NGLY1: variants seen among roughly 807,000 people sequenced by gnomAD.
NGLY1 encodes N-glycanase 1, also known as peptide-N(4)-(N-acetyl-beta-glucosaminyl)asparagine amidase.
In NGLY1, 68 loss-of-function variants were observed where a neutral mutation model predicts 84.6. The observed-to-expected ratio is 0.80, with a 90% CI of 0.66 to 0.98. NGLY1 has a LOEUF of 0.98. NGLY1 is among the 50% of genes least tolerant of loss of function. NGLY1 has a pLI of 0.00. For missense variants in NGLY1, 779 were observed against 770.2 expected, an observed-to-expected ratio of 1.01 and a Z score of -0.14; for synonymous variants, 280 against 275.2, an observed-to-expected ratio of 1.02 and a Z score of -0.17.
At chr3:25,765,328 C>T (rs550991260) in intron 2 of NGLY1, among the ~76,000 whole-genome samples, 7 of 151,886 alleles carry the variant, frequency 4.6e-5, no homozygotes, top group South Asian at 2.1e-4. Context: ...GGCATGGTGG[C>T]GGGTGCCTGT....
chr3:25,720,083 G>C lies in NGLY1; in HGVS notation c.1720C>G (p.Gln574Glu). Residue 574 changes from glutamine (Q) to glutamate (E), a missense_variant, in exon 11 of 12, where the codon CAA becomes GAA. Coordinates refer to ENST00000280700, the MANE Select transcript of NGLY1 (RefSeq NM_018297.4). The part of the protein sequence containing the change: ...VDSISIRTSS[Q>E]TFQTGTVEWK... ...TCTACTGTTCCAGTCTGAAAAGTTT[G>C]ACTACTTGTTCTAATAGAAATGCTA... The C allele has an allele frequency of 1.9e-6, 3 of 1,613,736 alleles. No individual in the cohort carries two copies. Among genetic ancestry groups the C allele is most frequent in the Non-Finnish European group, 2.5e-6 (3 of 1,179,800 alleles).
intron 10 of NGLY1, among the ~76,000 whole-genome samples, chr3:25,722,890 A>T (rs1010020907): frequency 6.6e-6 from 1 of 152,198 alleles, no homozygotes; most frequent in African/African-American, 2.4e-5. Flanking sequence ...TGGCTAGCAA[A>T]GGGGGATATC....
chr3:25,762,303 C>T (rs1037547573), intron 3 of NGLY1, among the ~76,000 whole-genome samples: 2 of 152,118 alleles, frequency 1.3e-5, no homozygotes, highest in African/African-American at 4.8e-5. Context: ...AGAAAACTGT[C>T]AAATTCTGTA....
chr3:25,749,904 A>G, intron 4 of NGLY1: 1 of 763,318 alleles, frequency 1.3e-6, no homozygotes, highest in South Asian at 1.5e-5. Context: ...TAGACAGCTC[A>G]TGTGCATGTT....
chr3:25,720,067 CCAGT>C lies in NGLY1; in HGVS notation c.1732_1735del (p.Thr578GlufsTer3). ...AGATCGCAATTTCCATTCTACTGTT[CCAGT>C]CTGAAAAGTTTGACTACTTGTTCTA... On this transcript the variant is annotated frameshift_variant, in exon 11 of 12. Coordinates refer to ENST00000280700, the MANE Select transcript of NGLY1 (RefSeq NM_018297.4). LOFTEE classifies it high-confidence loss of function. 1 of 1,613,800 alleles carries C rather than the reference CCAGT, an allele frequency of 6.2e-7. No homozygotes were observed. The highest frequency in any genetic ancestry group is 8.5e-7 in the Non-Finnish European group (1 of 1,179,820).
intron 3 of NGLY1, among the ~76,000 whole-genome samples, chr3:25,756,240 C>T (rs186325003): frequency 6.6e-6 from 1 of 152,240 alleles, no homozygotes; most frequent in African/African-American, 2.4e-5. Context: ...CTGCACCTAC[C>T]CCATAGGTTT....
At chr3:25,785,135 C>CAAA (rs1159268520), upstream of NGLY1, among the ~76,000 whole-genome samples, 6 of 76,940 alleles carry the variant, frequency 7.8e-5, no homozygotes, top group Admixed American at 1.5e-4. Flanking sequence ...CCTGCTTGGA[C>CAAA]AAAAAAAAAA....
intron 10 of NGLY1, among the ~76,000 whole-genome samples, chr3:25,722,803 C>T (rs923343437): frequency 9.9e-5 from 15 of 152,228 alleles, no homozygotes; most frequent in East Asian, 3.9e-4. Context: ...CAGTGTTCCC[C>T]GGGAGTCATT....
chr3:25,727,563 G>T (rs1286319123), intron 10 of NGLY1, among the ~76,000 whole-genome samples: 1 of 152,110 alleles, frequency 6.6e-6, no homozygotes, highest in African/African-American at 2.4e-5. Context: ...TGTTTCCATA[G>T]CAATGTGTTG....
In NGLY1 at chr3:25,789,836, C is replaced by A. The variant is rs1460435306; in HGVS notation, c.5+25G>T. On this transcript the variant is annotated intron_variant, in intron 1 of 11. Coordinates refer to the NGLY1 transcript ENST00000417874. ...GCATTATCACTGCCAAAGAAAAATG[C>A]CTTTTTGATGGGTGAAAATGCTACC... 15 of 1,551,614 alleles carry A rather than the reference C, an allele frequency of 9.7e-6. No homozygotes were observed. The South Asian group carries it at 1.8e-4, about 18-fold the overall frequency.
At chr3:25,754,122 A>G (rs889292411) in intron 3 of NGLY1, among the ~76,000 whole-genome samples, 1 of 152,206 alleles carries the variant, frequency 6.6e-6, no homozygotes, top group African/African-American at 2.4e-5. Context: ...TAGTCTATGG[A>G]TACAAAAACA....
chr3:25,725,320 G>T (rs1056584444), intron 10 of NGLY1, among the ~76,000 whole-genome samples: 1 of 152,204 alleles, frequency 6.6e-6, no homozygotes, highest in African/African-American at 2.4e-5. Context: ...CACACCCGGG[G>T]AGGGCAGAGG....
At chr3:25,789,695 A>G in intron 1 of NGLY1, 2 of 821,540 alleles carry the variant, frequency 2.4e-6, no homozygotes, top group Non-Finnish European at 3.9e-6. Context: ...CACAATTACT[A>G]ATAACGTTGC....
At chr3:25,764,024 CT>C in intron 3 of NGLY1, 41 bp downstream of exon 3, 1 of 1,603,964 alleles carries the variant, frequency 6.2e-7, no homozygotes, top group Non-Finnish European at 8.5e-7. Context: ...TGTTTCAACA[CT>C]TTGAAAGAAA....
At chr3:25,757,687 T>G (rs937803627) in intron 3 of NGLY1, among the ~76,000 whole-genome samples, 14 of 152,110 alleles carry the variant, frequency 9.2e-5, no homozygotes, top group African/African-American at 3.1e-4. Flanking sequence ...GTCATACAAG[T>G]GATGTGCAAC....
intron 9 of NGLY1, chr3:25,730,685 C>T (rs894725540): frequency 8.6e-5 from 13 of 151,958 alleles, no homozygotes; most frequent in African/African-American, 3.1e-4. Context: ...TTTAACTGCC[C>T]GCTACAGACG....
chr3:25,736,643 A>G, intron 6 of NGLY1: 1 of 365,226 alleles, frequency 2.7e-6, no homozygotes, highest in Non-Finnish European at 4.9e-6. Context: ...CAAGGAAAAC[A>G]ACTTTTTAAC....
chr3:25,719,229 GTCAACAAGACT>G lies in NGLY1; in HGVS notation c.*220_*230del. On this transcript the variant is annotated 3_prime_UTR_variant, in exon 12 of 12. Coordinates refer to ENST00000280700, the MANE Select transcript of NGLY1 (RefSeq NM_018297.4). ...GTTTTAGATTAAAATCCCATATTGA[GTCAACAAGACT>G]TTACTCCAAATTATAGTCACATATG... 2.8e-6 allele frequency: 1 copy of G among 356,070 alleles called. No homozygotes were observed. The highest frequency in any genetic ancestry group is 5.0e-6 in the Non-Finnish European group (1 of 198,212). The allele number at this position is 356,070 out of a possible 1,614,324, so 22.1% of individuals were successfully genotyped here.
Position 25,783,203 on chromosome 3 carries a change from C to T in NGLY1, c.131+57G>A. 3 of 1,527,732 alleles carry T rather than the reference C, an allele frequency of 2.0e-6. No homozygotes were observed. The highest frequency in any genetic ancestry group is 1.4e-5 in the African/African-American group (1 of 72,050). The allele number at this position is 1,527,732 out of a possible 1,614,324, so 94.6% of individuals were successfully genotyped here. ...CCGGACGCCCCAGTCCCTGGCCGAA[C>T]AAGGTGCCGCGGCCCACCCACCCCG... On this transcript the variant is annotated intron_variant, in intron 1 of 11. Coordinates refer to ENST00000280700, the MANE Select transcript of NGLY1 (RefSeq NM_018297.4). This position sits in a 1 kb window ranked among gnomAD's most constrained non-coding sequence, Gnocchi z 4.5.
Sources: gnomAD v4.1 joint callset for allele counts (sites outside exome capture counted in the v4.1 genomes callset) on GRCh38, gnomAD v4.1.1 for gene constraint, Gnocchi (gnomAD v3.1) non-coding constraint, MANE v1.5 for transcripts, NCBI Gene and HGNC (gene_info 2026-07-23, HGNC 2026-07-21) for gene names.